Variants in IMPA2 observed in about 807,000 individuals in gnomAD.
The protein encoded by IMPA2 is IMP 2.
In IMPA2, 32 loss-of-function variants were observed where a neutral mutation model predicts 35.1. The ratio of observed to expected loss-of-function variants is 0.91; its 90% confidence interval spans 0.69 to 1.23. The LOEUF is 1.23. IMPA2 is among the 50% of genes most tolerant of loss of function. The pLI, the probability that IMPA2 is intolerant of heterozygous loss-of-function variation, is 0.00. For synonymous variants in IMPA2, 135 were observed against 160.6 expected, an observed-to-expected ratio of 0.84 and a Z score of 1.20; for missense variants, 334 against 387.6, an observed-to-expected ratio of 0.86 and a Z score of 1.16.
chr18:12,011,479 A>G (rs7235476), intron 3 of IMPA2, among the ~76,000 whole-genome samples: 64,054 of 152,158 alleles, frequency 0.42, 14,743 homozygotes, highest in African/African-American at 0.6. Flanking sequence ...CCAAGGTCCC[A>G]CACACCCTGG....
rs11390149 is a variant in IMPA2 at position 11,991,846 on chromosome 18, A to ATTTTTT, written c.97-7198_97-7193dup. Among the ~76,000 whole-genome samples the ATTTTTT allele has an allele frequency of 1.4e-5, 2 of 144,118 alleles. No individual in the cohort carries two copies. Among genetic ancestry groups the ATTTTTT allele is most frequent in the Non-Finnish European group, 1.5e-5 (1 of 65,760 alleles). 94.5% of individuals were successfully genotyped at this position (144,118 alleles called of 152,430 possible). A position where few individuals can be genotyped will look rare whatever the true frequency, so the allele number is the denominator to read the frequency against. ...TGCCCTCGCAGAAACACCCAGAACAATTTTTTTTTTTTTTTGAGATGGAGC... is the reference window on the plus strand; with the variant it reads ...TGCCCTCGCAGAAACACCCAGAACAATTTTTTTTTTTTTTTTTTTTTGAGATGGAGC... On this transcript the variant is annotated intron_variant, in intron 1 of 7. Transcript: ENST00000269159. This position sits in a 1 kb window ranked among gnomAD's most constrained non-coding sequence, Gnocchi z 4.1.
chr18:12,014,188 C>G, intron 4 of IMPA2, 77 bp from the exon 5 acceptor site: 1 of 1,025,984 alleles, frequency 9.7e-7, no homozygotes, highest in East Asian at 2.4e-5. Flanking sequence ...CAGCCTTCAT[C>G]TTTGAATAAC....
At chr18:12,008,346 C>G (rs1036351689) in intron 2 of IMPA2, 3 of 518,858 alleles carry the variant, frequency 5.8e-6, no homozygotes, top group African/African-American at 3.9e-5. Context: ...TCCTTTTTCT[C>G]TAGTACACAT....
Position 12,009,943 on chromosome 18 carries a change from G to A in IMPA2, c.291G>A (p.Thr97=), listed in dbSNP as rs748365198. The change falls in exon 3 of 8, where the codon ACG becomes ACA. Residue 97 remains threonine (T), a synonymous_variant. Coordinates refer to ENST00000269159, the MANE Select transcript of IMPA2 (RefSeq NM_014214.3). ...GAKCVLTHSP[T]WIIDPIDGTC... is the part of the protein sequence containing the mutation. Reference sequence around the variant, plus strand: ...AGTGTGTGCTCACCCACAGCCCGACGTGGATCATCGACCCCATCGACGGCA... The same window carrying A: ...AGTGTGTGCTCACCCACAGCCCGACATGGATCATCGACCCCATCGACGGCA... 5.9e-5 allele frequency: 96 copies of A among 1,614,040 alleles called. No homozygotes were observed. Among genetic ancestry groups the A allele is most frequent in the East Asian group, 2.7e-4 (12 of 44,892 alleles).
At chr18:11,995,346 G>GCCA (rs1906930990) in intron 1 of IMPA2, among the ~76,000 whole-genome samples, 1 of 152,258 alleles carries the variant, frequency 6.6e-6, no homozygotes, top group African/African-American at 2.4e-5. Flanking sequence ...TGACTCGGAA[G>GCCA]TTGCAGGTCT....
At chr18:11,998,324 G>C (rs986404386) in intron 1 of IMPA2, among the ~76,000 whole-genome samples, 8 of 152,194 alleles carry the variant, frequency 5.3e-5, no homozygotes, top group Admixed American at 5.2e-4. Flanking sequence ...CCCAGTCCTT[G>C]CTCCTATGTA....
At chr18:12,028,440 C>T (rs971129563) in intron 6 of IMPA2, 28 of 461,066 alleles carry the variant, frequency 6.1e-5, no homozygotes, top group Middle Eastern at 5.6e-4. Flanking sequence ...CAGTCCTTCC[C>T]GAGGGGGCCT....
chr18:12,012,241 G>T (rs1329278710), intron 4 of IMPA2, 26 bp downstream of exon 4: 1 of 1,606,848 alleles, frequency 6.2e-7, no homozygotes, highest in Non-Finnish European at 8.5e-7. Context: ...AGGTCCCCAG[G>T]GCCCCTCCCT....
chr18:12,014,201 TG>T (rs1907510962), intron 4 of IMPA2, 63 bp from the exon 5 acceptor site: 1 of 1,126,386 alleles, frequency 8.9e-7, no homozygotes. Context: ...TGAATAACAA[TG>T]TTTTTTCCCA....
chr18:11,982,091 C>G (rs1906518439), intron 1 of IMPA2, among the ~76,000 whole-genome samples: 1 of 152,164 alleles, frequency 6.6e-6, no homozygotes, highest in Non-Finnish European at 1.5e-5. Context: ...TTTTAAGGAC[C>G]TATGAACGGA....
intron 5 of IMPA2, among the ~76,000 whole-genome samples, chr18:12,014,922 G>T (rs183111600): frequency 1.3e-5 from 2 of 152,318 alleles, no homozygotes; most frequent in African/African-American, 4.8e-5. Flanking sequence ...GTGGCTCTGA[G>T]AGAGGGGTTC....
chr18:11,996,263 C>T (rs754333845), intron 1 of IMPA2, among the ~76,000 whole-genome samples: 12 of 152,160 alleles, frequency 7.9e-5, no homozygotes, highest in East Asian at 1.9e-4. Flanking sequence ...GTGAAGGGCT[C>T]GCCCTGGGAT....
chr18:12,015,473 C>T (rs1025699474), intron 5 of IMPA2, among the ~76,000 whole-genome samples: 7 of 152,178 alleles, frequency 4.6e-5, no homozygotes, highest in East Asian at 1.9e-4. Flanking sequence ...TGAGCCCGTG[C>T]GGCCAGGAAA....
intron 1 of IMPA2, among the ~76,000 whole-genome samples, chr18:11,988,759 C>T (rs955805458): frequency 6.6e-6 from 1 of 152,186 alleles, no homozygotes; most frequent in Non-Finnish European, 1.5e-5. Flanking sequence ...GGCAAAACTG[C>T]AGGAGGAACA....
At chr18:11,994,237 G>A (rs375439779) in intron 1 of IMPA2, 19 of 151,976 alleles carry the variant, frequency 1.3e-4, no homozygotes, top group South Asian at 6.2e-4. Flanking sequence ...TGATCCGGGT[G>A]TGGTGGTGCG....
intron 4 of IMPA2, among the ~76,000 whole-genome samples, chr18:12,013,776 C>T (rs1340919734): frequency 6.6e-6 from 1 of 152,180 alleles, no homozygotes; most frequent in Non-Finnish European, 1.5e-5. Flanking sequence ...CGGATCAGTC[C>T]CCAGTCTGCG....
chr18:11,985,147 C>CAAAAAAA (rs60194371), intron 1 of IMPA2, among the ~76,000 whole-genome samples: 1 of 80,522 alleles, frequency 1.2e-5, no homozygotes. Flanking sequence ...AACTCTGTCT[C>CAAAAAAA]AAAAAAAAAA....
chr18:11,987,769 CT>C (rs142613523), intron 1 of IMPA2, among the ~76,000 whole-genome samples: 4,433 of 152,232 alleles, frequency 0.029, 228 homozygotes, highest in African/African-American at 0.1. Flanking sequence ...AGTAGAATCG[CT>C]GTGTCATTGG....
intron 2 of IMPA2, 77 bp downstream of exon 2, chr18:11,999,264 G>C: frequency 7.0e-7 from 1 of 1,421,234 alleles, no homozygotes; most frequent in Admixed American, 2.2e-5. Context: ...GCCGGGGTCA[G>C]GGGGCTCTGC....
Sources: gnomAD v4.1 joint callset for allele counts (sites outside exome capture counted in the v4.1 genomes callset) on GRCh38, gnomAD v4.1.1 for gene constraint, Gnocchi (gnomAD v3.1) non-coding constraint, MANE v1.5 for transcripts, NCBI Gene and HGNC (gene_info 2026-07-23, HGNC 2026-07-21) for gene names.